Variants in OPCML observed in about 807,000 individuals in gnomAD.
OPCML encodes the protein opioid-binding protein/cell adhesion molecule.
Under a neutral mutation model 37.8 loss-of-function variants are expected in OPCML, and 13 were observed. That is an observed-to-expected ratio of 0.34 (90% confidence interval 0.22 to 0.55). The LOEUF is 0.55. Ranked by LOEUF, OPCML falls within the 20% of genes least tolerant of loss-of-function variation. The probability of loss-of-function intolerance (pLI) is 0.91; values close to 1 mark genes in which losing one functional copy is unlikely to be tolerated. For missense variants in OPCML, 341 were observed against 435.6 expected (o/e 0.78, Z 1.93); for synonymous variants, 176 against 168.8 (o/e 1.04, Z -0.33).
chr11:132,723,887 G>C (rs942927452), intron 2 of OPCML, among the ~76,000 whole-genome samples: 2 of 152,204 alleles, frequency 1.3e-5, no homozygotes, highest in African/African-American at 4.8e-5. Flanking sequence ...TAGAGAGAAG[G>C]GGGTGGAAAA....
intron 4 of OPCML, among the ~76,000 whole-genome samples, chr11:132,464,502 C>T (rs1055247175): frequency 6.6e-6 from 1 of 152,096 alleles, no homozygotes; most frequent in African/African-American, 2.4e-5. Context: ...GGAATATGGC[C>T]TGGTACAAAA....
intron 1 of OPCML, among the ~76,000 whole-genome samples, chr11:133,512,013 C>A (rs1474138535): frequency 1.3e-5 from 2 of 152,152 alleles, no homozygotes; most frequent in Non-Finnish European, 2.9e-5. Flanking sequence ...CTTTTGACAC[C>A]AGATGTTGTG....
chr11:132,668,543 CT>C (rs1004425024), intron 2 of OPCML, among the ~76,000 whole-genome samples: 1 of 152,188 alleles, frequency 6.6e-6, no homozygotes, highest in African/African-American at 2.4e-5. Flanking sequence ...AGGAATTATA[CT>C]TGGTAAATAG....
intron 1 of OPCML, among the ~76,000 whole-genome samples, chr11:133,436,547 CTCAGAG>C (rs1256128206): frequency 8.5e-5 from 13 of 152,180 alleles, no homozygotes; most frequent in Non-Finnish European, 1.8e-4. Context: ...CAAATGTGAT[CTCAGAG>C]TCCAGCATCC....
chr11:133,331,281 C>A (rs1943613667), intron 1 of OPCML, among the ~76,000 whole-genome samples: 1 of 152,128 alleles, frequency 6.6e-6, no homozygotes, highest in Non-Finnish European at 1.5e-5. Context: ...TGGCTGTGGG[C>A]TGTGACTTGA....
chr11:133,358,070 A>G (rs1055081435), intron 1 of OPCML, among the ~76,000 whole-genome samples: 33 of 152,320 alleles, frequency 2.2e-4, no homozygotes, highest in Middle Eastern at 6.8e-3. Context: ...GCTAACAGCA[A>G]TATCGTCTTC....
At chr11:132,444,142 C>G (rs2096046283) in intron 4 of OPCML, among the ~76,000 whole-genome samples, 1 of 152,170 alleles carries the variant, frequency 6.6e-6, no homozygotes, top group African/African-American at 2.4e-5. Context: ...GATGGAGACA[C>G]AGGAGTAATG....
At chr11:133,034,308 G>GGTAGGTGT in intron 1 of OPCML, among the ~76,000 whole-genome samples, 1 of 143,536 alleles carries the variant, frequency 7.0e-6, no homozygotes, top group East Asian at 2.0e-4. Context: ...TGTATGTATA[G>GGTAGGTGT]GTGTGTGTGT....
At chr11:132,939,067 A>T (rs1206922379) in intron 2 of OPCML, among the ~76,000 whole-genome samples, 2 of 152,140 alleles carry the variant, frequency 1.3e-5, no homozygotes, top group Non-Finnish European at 1.5e-5. Context: ...TTGTCTTCCC[A>T]GACTAGGAGT....
chr11:132,614,862 C>T (rs976958747), intron 3 of OPCML, among the ~76,000 whole-genome samples: 10 of 152,154 alleles, frequency 6.6e-5, no homozygotes, highest in Admixed American at 1.3e-4. Flanking sequence ...CTGAGATTTA[C>T]GTTTTTGTCA....
chr11:133,303,191 G>A (rs1942824793), intron 1 of OPCML, among the ~76,000 whole-genome samples: 1 of 152,166 alleles, frequency 6.6e-6, no homozygotes, highest in Non-Finnish European at 1.5e-5. Context: ...AGATAATGAA[G>A]TTGGAGCAAA....
At chr11:132,823,398 A>C (rs1001491454) in intron 2 of OPCML, among the ~76,000 whole-genome samples, 1 of 152,116 alleles carries the variant, frequency 6.6e-6, no homozygotes, top group Non-Finnish European at 1.5e-5. Flanking sequence ...AAAAAAGTTG[A>C]TGTCTCTCAA....
rs1271040683 is a variant in OPCML at position 132,570,804 on chromosome 11, T to TGAGAGAGAGAGAGAGAGAG, written c.380-41619_380-41618insCTCTCTCTCTCTCTCTCTC. Among the ~76,000 whole-genome samples the TGAGAGAGAGAGAGAGAGAG allele has an allele frequency of 4.0e-3, 364 of 90,728 alleles. 10 individuals carry two copies. Among genetic ancestry groups the TGAGAGAGAGAGAGAGAGAG allele is most frequent in the African/African-American group, 7.7e-3 (154 of 20,122 alleles). The allele number at this position is 90,728 out of a possible 152,430, so 59.5% of individuals were successfully genotyped here. A position where few individuals can be genotyped will look rare whatever the true frequency, so the allele number is the denominator to read the frequency against. On this transcript the variant is annotated intron_variant, in intron 3 of 7. Transcript: ENST00000524381. Reference sequence around the variant, plus strand: ...ATATATATATATATATATATATATTTAGAGAGAGAGAGAGAGGATATATAC... The same window carrying TGAGAGAGAGAGAGAGAGAG: ...ATATATATATATATATATATATATTTGAGAGAGAGAGAGAGAGAGAGAGAGAGAGAGAGAGGATATATAC...
intron 1 of OPCML, among the ~76,000 whole-genome samples, chr11:133,215,996 G>T (rs576195671): frequency 2.6e-4 from 39 of 152,156 alleles, no homozygotes; most frequent in African/African-American, 6.8e-4. Context: ...CCACCAGGAG[G>T]GGGTGGGAGG....
intron 3 of OPCML, among the ~76,000 whole-genome samples, chr11:132,535,668 A>G (rs934513444): frequency 6.6e-6 from 1 of 152,140 alleles, no homozygotes; most frequent in Non-Finnish European, 1.5e-5. Flanking sequence ...TCAGGGCCAG[A>G]CCCAGTGAGA....
chr11:132,747,859 G>A (rs944311419), intron 2 of OPCML, among the ~76,000 whole-genome samples: 11 of 152,104 alleles, frequency 7.2e-5, no homozygotes, highest in African/African-American at 2.7e-4. Flanking sequence ...GGGGGAGCGG[G>A]TCTCACTATG....
intron 1 of OPCML, among the ~76,000 whole-genome samples, chr11:133,135,792 C>G (rs1335273278): frequency 6.6e-6 from 1 of 152,178 alleles, no homozygotes; most frequent in African/African-American, 2.4e-5. Context: ...CTCTCTACCT[C>G]AGTTGTCTCC....
rs192623484 is a variant in OPCML, at chr11:133,018,900, C to T, written c.62-75890G>A. Among the ~76,000 whole-genome samples the T allele has an allele frequency of 3.1e-3, 466 of 152,342 alleles. 1 individual carries two copies. Among genetic ancestry groups the T allele is most frequent in the Middle Eastern group, 6.8e-3 (2 of 294 alleles). Reference sequence around the variant, plus strand: ...GACAAAACCAAAGCTCTGTGTGCCGCTCCCATGAGCCACAGGGATGATACT... The same window carrying T: ...GACAAAACCAAAGCTCTGTGTGCCGTTCCCATGAGCCACAGGGATGATACT... On this transcript the variant is annotated intron_variant, in intron 1 of 7. Coordinates refer to ENST00000524381, the MANE Select transcript of OPCML (RefSeq NM_001012393.5).
At chr11:133,239,496 C>G (rs1940645898) in intron 1 of OPCML, among the ~76,000 whole-genome samples, 1 of 152,210 alleles carries the variant, frequency 6.6e-6, no homozygotes, top group East Asian at 1.9e-4. Context: ...AGCTGTGCTC[C>G]CTGCAGCCAG....
Sources: gnomAD v4.1 joint callset for allele counts (sites outside exome capture counted in the v4.1 genomes callset) on GRCh38, gnomAD v4.1.1 for gene constraint, MANE v1.5 for transcripts, NCBI Gene and HGNC (gene_info 2026-07-23, HGNC 2026-07-21) for gene names.